The following STS variants were observed in gnomAD, a reference collection of about 807,000 sequenced individuals.
STS encodes the protein steryl-sulfatase.
STS carries 7 observed loss-of-function variants against 26.8 expected under a neutral mutation model. The ratio of observed to expected loss-of-function variants is 0.26; its 90% CI spans 0.15 to 0.49. The LOEUF is 0.49. Ranked by LOEUF, STS falls within the 20% of genes least tolerant of loss-of-function variation. The pLI is 0.98. For synonymous variants in STS, 199 were observed against 189.4 expected, an observed-to-expected ratio of 1.05 and a Z score of -0.42; for missense variants, 434 against 465.6, an observed-to-expected ratio of 0.93 and a Z score of 0.63.
intron 2 of STS, among the ~76,000 whole-genome samples, chrX:7,204,824 C>G (rs12860850): frequency 9.5e-6 from 1 of 104,887 alleles, no homozygotes; most frequent in Non-Finnish European, 2.0e-5. Context: ...CTTTCCATCC[C>G]TTCTTCCCTC....
chrX:7,170,651 A>T lies in STS; in HGVS notation c.-133-20229A>T, dbSNP rs184018172. On this transcript the variant is annotated intron_variant, in intron 1 of 10. Transcript: ENST00000674429. The stretch of plus-strand genomic sequence containing the variant: ...AATTTATATTTTAAAAAATTTAAAA[A>T]TTTTTTTAATTTTTTGTAGAAATGG... 3.2e-3 allele frequency among the ~76,000 whole-genome samples: 352 copies of T among 109,868 alleles called. 2 individuals carry two copies. Among genetic ancestry groups the T allele is most frequent in the Middle Eastern group, 9.3e-3 (2 of 216 alleles).
At chrX:7,294,036 CA>C (rs1429646913) in intron 7 of STS, among the ~76,000 whole-genome samples, 2 of 109,646 alleles carry the variant, frequency 1.8e-5, no homozygotes, top group Middle Eastern at 4.2e-3. Context: ...CCTGGAGAGC[CA>C]AAAAAAACTT....
intron 1 of STS, among the ~76,000 whole-genome samples, chrX:7,181,041 G>C (rs1190807523): frequency 2.7e-5 from 3 of 112,001 alleles, no homozygotes; most frequent in African/African-American, 9.7e-5. Context: ...TCTTGTTTTG[G>C]TAGGCAGGGC....
Position 7,349,315 on chromosome X carries a change from CCTTT to C in STS, c.1364-572_1364-569del, listed in dbSNP as rs1928671747. On this transcript the variant is annotated intron_variant, in intron 10 of 10. Transcript: ENST00000674429. ...CGCTGCACTCGGCCCTCATTTAATT[CCTTT>C]TTTTTTTTTTTTTTTTTTTTTTTTT... Among the ~76,000 whole-genome samples, 111 of 20,279 alleles carry C rather than the reference CCTTT, an allele frequency of 5.5e-3. 38 individuals carry two copies. Among genetic ancestry groups the C allele is most frequent in the Middle Eastern group, 0.091 (2 of 22 alleles). 17.6% of individuals were successfully genotyped at this position (20,279 alleles called of 115,157 possible). A position where few individuals can be genotyped will look rare whatever the true frequency, so the allele number is the denominator to read the frequency against.
chrX:7,236,104 TTTTG>T (rs1404894874), intron 2 of STS, among the ~76,000 whole-genome samples: 1 of 112,220 alleles, frequency 8.9e-6, no homozygotes, highest in African/African-American at 3.2e-5. Flanking sequence ...ATCTATTTTA[TTTTG>T]TTTACCTAGA....
At position 7,190,703 on chromosome X, in the gene STS, G is replaced by A. The variant is rs188685670; in HGVS notation, c.-133-177G>A. On this transcript the variant is annotated intron_variant, in intron 1 of 10. Coordinates refer to ENST00000674429, the MANE Select transcript of STS (RefSeq NM_001320752.2). ...AGGTGGGAGGATTACTTGAGCCTGG[G>A]AGGTCAAGGCTGCAGTGAGCCATGA... is the stretch of plus-strand genomic sequence containing the variant. 5.6e-3 allele frequency among the ~76,000 whole-genome samples: 615 copies of A among 109,587 alleles called. 3 individuals carry two copies. The highest frequency in any genetic ancestry group is 0.02 in the African/African-American group (596 of 30,077).
intron 1 of STS, among the ~76,000 whole-genome samples, chrX:7,169,330 C>G (rs1416479450): frequency 8.9e-6 from 1 of 112,383 alleles, no homozygotes; most frequent in Admixed American, 9.4e-5. Flanking sequence ...TCTCTTCTCT[C>G]TTCTTTTACT....
intron 7 of STS, among the ~76,000 whole-genome samples, chrX:7,293,795 T>C (rs1258786289): frequency 9.0e-6 from 1 of 111,277 alleles, no homozygotes; most frequent in Non-Finnish European, 1.9e-5. Context: ...AATAGTAAAC[T>C]TTGCAGAAAG....
rs181175889 is a variant in STS, at chrX:7,298,123, A to G, written c.944-6923A>G. Among the ~76,000 whole-genome samples the G allele has an allele frequency of 3.3e-3, 370 of 111,831 alleles. 1 individual carries two copies. Among genetic ancestry groups the G allele is most frequent in the Non-Finnish European group, 5.2e-3 (279 of 53,148 alleles). On this transcript the variant is annotated intron_variant, in intron 7 of 10. Coordinates refer to ENST00000674429, the MANE Select transcript of STS (RefSeq NM_001320752.2). ...TCTTGAAAAAAAAGGGAAAAGCCAT[A>G]CAAACACCAATATTCCCTGCAGTTA...
chrX:7,323,537 C>G (rs754806424), intron 8 of STS, among the ~76,000 whole-genome samples: 9 of 111,589 alleles, frequency 8.1e-5, no homozygotes, highest in Middle Eastern at 4.6e-3. Context: ...TACCATGTTG[C>G]TACAAAGGAC....
At chrX:7,300,117 C>T (rs1363370421) in intron 7 of STS, among the ~76,000 whole-genome samples, 1 of 111,911 alleles carries the variant, frequency 8.9e-6, no homozygotes, top group African/African-American at 3.2e-5. Flanking sequence ...CAGATTTTTG[C>T]ATTTCCAAGG....
intron 2 of STS, among the ~76,000 whole-genome samples, chrX:7,210,042 G>A (rs1920988923): frequency 9.0e-6 from 1 of 111,458 alleles, no homozygotes; most frequent in Non-Finnish European, 1.9e-5. Flanking sequence ...CATTTGGGTT[G>A]GTTCCATGTC....
intron 8 of STS, among the ~76,000 whole-genome samples, chrX:7,317,142 C>T (rs1926749327): frequency 8.9e-6 from 1 of 111,954 alleles, no homozygotes; most frequent in Non-Finnish European, 1.9e-5. Flanking sequence ...CATCATCCTT[C>T]TGTGATGAGA....
chrX:7,218,762 G>A (rs1373221468), intron 2 of STS, among the ~76,000 whole-genome samples: 1 of 112,151 alleles, frequency 8.9e-6, no homozygotes, highest in Non-Finnish European at 1.9e-5. Flanking sequence ...AAGATCAAAG[G>A]GTTCGGGTGG....
chrX:7,270,679 A>G, intron 6 of STS, among the ~76,000 whole-genome samples: 1 of 112,153 alleles, frequency 8.9e-6, no homozygotes, highest in Admixed American at 9.5e-5. Context: ...TTATAGAGAG[A>G]TGATAGAAAA....
chrX:7,240,880 A>G (rs971125842), intron 2 of STS, among the ~76,000 whole-genome samples: 17 of 110,653 alleles, frequency 1.5e-4, no homozygotes, highest in African/African-American at 5.6e-4. Context: ...CCAGGGAGCA[A>G]CCAGAATGCC....
chrX:7,329,529 C>T (rs1024721484), intron 9 of STS, among the ~76,000 whole-genome samples: 1 of 112,519 alleles, frequency 8.9e-6, no homozygotes, highest in East Asian at 2.8e-4. Flanking sequence ...GATGTCTGCC[C>T]TTTAGAAAAT....
At chrX:7,323,458 A>G (rs1050287406) in intron 8 of STS, among the ~76,000 whole-genome samples, 1 of 111,368 alleles carries the variant, frequency 9.0e-6, no homozygotes, top group Non-Finnish European at 1.9e-5. Flanking sequence ...TCCCACTTAT[A>G]AGTAAGAACA....
chrX:7,314,355 T>C (rs988098529), intron 8 of STS, among the ~76,000 whole-genome samples: 4 of 110,844 alleles, frequency 3.6e-5, no homozygotes, highest in Non-Finnish European at 5.7e-5. Context: ...AGATCCTGTC[T>C]CAAAAAAAAA....
Sources: gnomAD v4.1 joint callset for allele counts (sites outside exome capture counted in the v4.1 genomes callset) on GRCh38, gnomAD v4.1.1 for gene constraint, MANE v1.5 for transcripts, NCBI Gene and HGNC (gene_info 2026-07-23, HGNC 2026-07-21) for gene names.